The following COA1 variants were observed in gnomAD, a reference collection of about 807,000 sequenced individuals.
COA1 encodes cytochrome c oxidase assembly factor 1 homolog.
Under a neutral mutation model 16.0 loss-of-function variants are expected in COA1, and 13 were observed. The ratio of observed to expected loss-of-function variants is 0.81; its 90% confidence interval spans 0.53 to 1.29. COA1 has a LOEUF of 1.29. COA1 is among the 50% of genes most tolerant of loss of function. COA1 has a pLI of 0.00. For missense variants in COA1, 179 were observed against 177.0 expected (o/e 1.01, Z -0.06); for synonymous variants, 65 against 65.7 (o/e 0.99, Z 0.05).
chr7:43,644,728 A>AGATAGATTAGAT (rs2088355772), intron 4 of COA1, among the ~76,000 whole-genome samples: 2 of 26,144 alleles, frequency 7.6e-5, no homozygotes, highest in African/African-American at 1.9e-4. Context: ...ATAGATAGAT[A>AGATAGATTAGAT]GATAGATAGA....
chr7:43,665,978 C>T (rs1040518437), intron 1 of COA1, among the ~76,000 whole-genome samples: 2 of 152,106 alleles, frequency 1.3e-5, no homozygotes, highest in African/African-American at 4.8e-5. Flanking sequence ...TTTTGGGACC[C>T]TCAATGTGCT....
chr7:43,703,541 C>G (rs2094841702), intron 1 of COA1, among the ~76,000 whole-genome samples: 3 of 152,136 alleles, frequency 2.0e-5, no homozygotes, highest in Non-Finnish European at 4.4e-5. Flanking sequence ...TATTTAGGAT[C>G]ATTAAATCTT....
intron 6 of COA1, chr7:43,619,495 CCTCAGT>C: frequency 7.2e-7 from 1 of 1,390,376 alleles, no homozygotes; most frequent in Non-Finnish European, 9.8e-7. Context: ...CTGTTAAATT[CCTCAGT>C]CTCAGTTTCA....
chr7:43,688,860 A>G (rs1272633965), intron 1 of COA1, among the ~76,000 whole-genome samples: 1 of 152,210 alleles, frequency 6.6e-6, no homozygotes. Flanking sequence ...CAATGCTTCA[A>G]CTTTCACTAA....
chr7:43,712,174 A>G, intron 1 of COA1, among the ~76,000 whole-genome samples: 1 of 151,910 alleles, frequency 6.6e-6, no homozygotes, highest in South Asian at 2.1e-4. Context: ...GTACAATGGC[A>G]CAATCTCGGC....
rs1447534430 is a variant in COA1 at position 43,644,755 on chromosome 7, TAGATAGGCAGGC to T, written c.264+484_264+495del. The stretch of plus-strand genomic sequence containing the variant: ...ATAGATAGATAGATAGATAGATAGA[TAGATAGGCAGGC>T]AGGCAGGCAGGCAGGCAGGCAGGCA... On this transcript the variant is annotated intron_variant, in intron 4 of 5. Coordinates refer to ENST00000223336, the MANE Select transcript of COA1 (RefSeq NM_018224.4). Among the ~76,000 whole-genome samples the T allele has an allele frequency of 2.1e-3, 244 of 115,356 alleles. 2 individuals are homozygous for T. Among genetic ancestry groups the T allele is most frequent in the African/African-American group, 7.3e-3 (192 of 26,274 alleles). 75.7% of individuals were successfully genotyped at this position (115,356 alleles called of 152,430 possible).
At chr7:43,696,895 C>T (rs1267670401) in intron 1 of COA1, among the ~76,000 whole-genome samples, 3 of 151,910 alleles carry the variant, frequency 2.0e-5, no homozygotes, top group African/African-American at 7.3e-5. Flanking sequence ...GAAGCCAAGG[C>T]AGGCGGATCA....
At chr7:43,634,914 T>C (rs1432913241), downstream of COA1, among the ~76,000 whole-genome samples, 2 of 152,210 alleles carry the variant, frequency 1.3e-5, no homozygotes, top group Non-Finnish European at 2.9e-5. Context: ...GGGAAATCGA[T>C]GCTGTGTTAT....
At chr7:43,635,759 A>G (rs1438861806), downstream of COA1, among the ~76,000 whole-genome samples, 1 of 152,228 alleles carries the variant, frequency 6.6e-6, no homozygotes, top group African/African-American at 2.4e-5. Context: ...AACCTTCATA[A>G]GGGAGACAGG....
intron 5 of COA1, 86 bp downstream of exon 5, chr7:43,640,487 T>G: frequency 1.0e-6 from 1 of 975,032 alleles, no homozygotes; most frequent in Non-Finnish European, 1.6e-6. Context: ...CACAGTAATT[T>G]AACAACAAAT....
intron 6 of COA1, among the ~76,000 whole-genome samples, chr7:43,611,662 C>G (rs980252286): frequency 2.0e-5 from 3 of 152,200 alleles, no homozygotes; most frequent in Admixed American, 6.5e-5. Flanking sequence ...TACGGACTTT[C>G]ACTGGGCTAA....
intron 1 of COA1, among the ~76,000 whole-genome samples, chr7:43,692,378 G>A (rs2094400304): frequency 6.6e-6 from 1 of 151,996 alleles, no homozygotes; most frequent in Non-Finnish European, 1.5e-5. Flanking sequence ...TCTTAGCCGG[G>A]CACGATGGCA....
intron 1 of COA1, among the ~76,000 whole-genome samples, chr7:43,666,018 A>C (rs945598591): frequency 2.6e-5 from 4 of 152,118 alleles, no homozygotes; most frequent in African/African-American, 9.7e-5. Flanking sequence ...GGTGAGGGAG[A>C]TCTTCAGTCT....
intron 6 of COA1, chr7:43,633,193 T>A (rs2085340769): frequency 6.6e-6 from 1 of 152,256 alleles, no homozygotes; most frequent in South Asian, 2.1e-4. Flanking sequence ...TGGTCCAAGC[T>A]AGATCTTCTG....
chr7:43,668,264 A>C (rs2093015785), intron 1 of COA1, among the ~76,000 whole-genome samples: 1 of 152,198 alleles, frequency 6.6e-6, no homozygotes, highest in African/African-American at 2.4e-5. Flanking sequence ...CCTCAAGAGG[A>C]GATCACCCAA....
chr7:43,623,917 T>C lies in COA1; in HGVS notation c.*134-14422A>G, dbSNP rs1033523207. ...AGTATTATTTTTATTAGTTTAATATTGAACTAATTCAATATTAAAAAATTC... is the reference window on the plus strand; with the variant it reads ...AGTATTATTTTTATTAGTTTAATATCGAACTAATTCAATATTAAAAAATTC... On this transcript the variant is annotated intron_variant and NMD_transcript_variant, in intron 6 of 6. Transcript: ENST00000415076. 1.0e-5 allele frequency: 14 copies of C among 1,379,094 alleles called. No homozygotes were observed. In the African/African-American group the frequency reaches 2.1e-4, roughly 21 times the overall value. 85.4% of individuals were successfully genotyped at this position (1,379,094 alleles called of 1,614,324 possible). A position where few individuals can be genotyped will look rare whatever the true frequency, so the allele number is the denominator to read the frequency against.
intron 1 of COA1, among the ~76,000 whole-genome samples, chr7:43,684,540 T>C (rs1384477565): frequency 2.0e-5 from 3 of 152,172 alleles, no homozygotes. Flanking sequence ...ACTTTCACCA[T>C]ATTCTATTGG....
intron 1 of COA1, among the ~76,000 whole-genome samples, chr7:43,713,387 T>C (rs1020104228): frequency 4.6e-5 from 7 of 152,188 alleles, no homozygotes; most frequent in African/African-American, 1.7e-4. Flanking sequence ...TACCTTACTA[T>C]TAACCATAAT....
intron 1 of COA1, among the ~76,000 whole-genome samples, chr7:43,674,268 T>C (rs2093410196): frequency 6.6e-6 from 1 of 152,230 alleles, no homozygotes; most frequent in Non-Finnish European, 1.5e-5. Context: ...CTTCAACACA[T>C]ATAAATAACT....
Sources: allele counts gnomAD v4.1 joint callset (sites outside exome capture counted in the v4.1 genomes callset), GRCh38; gene constraint gnomAD v4.1.1; transcripts MANE v1.5; gene names NCBI Gene and HGNC (gene_info 2026-07-23, HGNC 2026-07-21).